The following PTP4A1 variants were observed in gnomAD, a reference collection of about 807,000 sequenced individuals.
The protein encoded by PTP4A1 is protein tyrosine phosphatase type IVA 1.
Under a neutral mutation model 20.5 loss-of-function variants are expected in PTP4A1, and 9 were observed. The observed-to-expected ratio is 0.44, with a 90% CI of 0.26 to 0.77. The LOEUF is 0.77. Among genes scored for constraint, PTP4A1 ranks in the 30% least tolerant of loss-of-function variants. PTP4A1 has a pLI of 0.19. For missense variants in PTP4A1, 137 were observed against 218.8 expected (o/e 0.63, Z 2.36); for synonymous variants, 78 against 67.4 (o/e 1.16, Z -0.77).
At chr6:63,579,130 T>G (rs1315674440) in intron 4 of PTP4A1, 102 bp downstream of exon 4, 8 of 1,377,666 alleles carry the variant, frequency 5.8e-6, no homozygotes, top group Non-Finnish European at 7.7e-6. Context: ...AGTCAACATT[T>G]GTCATAGGTA....
chr6:63,549,567 T>A, intron 2 of PTP4A1: 1 of 493,458 alleles, frequency 2.0e-6, no homozygotes, highest in East Asian at 3.3e-5. Flanking sequence ...AGATTTGAAG[T>A]TTTTTTTTTT....
intron 3 of PTP4A1, among the ~76,000 whole-genome samples, chr6:63,556,485 A>G (rs1020580526): frequency 6.6e-6 from 1 of 152,162 alleles, no homozygotes; most frequent in Non-Finnish European, 1.5e-5. Flanking sequence ...TCTGCCTAAT[A>G]AAACAACTTA....
At chr6:63,546,684 C>T (rs1404003817) in intron 2 of PTP4A1, among the ~76,000 whole-genome samples, 2 of 150,198 alleles carry the variant, frequency 1.3e-5, no homozygotes, top group South Asian at 2.1e-4. Flanking sequence ...CCAGCCTGGC[C>T]AATGAGAGCA....
chr6:63,541,539 T>A (rs1775972531), intron 2 of PTP4A1, among the ~76,000 whole-genome samples: 1 of 152,076 alleles, frequency 6.6e-6, no homozygotes, highest in Admixed American at 6.6e-5. Flanking sequence ...GGCGACCTTG[T>A]CTCAAGAAAA....
intron 2 of PTP4A1, among the ~76,000 whole-genome samples, chr6:63,535,676 A>T (rs906686905): frequency 2.6e-5 from 4 of 152,168 alleles, no homozygotes; most frequent in African/African-American, 4.8e-5. Flanking sequence ...CATCATAAAC[A>T]CATTTATAGT....
chr6:63,570,544 G>A (rs764978264), upstream of PTP4A1, among the ~76,000 whole-genome samples: 6 of 152,158 alleles, frequency 3.9e-5, no homozygotes, highest in East Asian at 1.9e-4. Context: ...GTAATTACAG[G>A]ATCTGTGGAT....
chr6:63,572,572 C>CCCGCCGCCGCCTGCATCGCCG lies in PTP4A1; in HGVS notation c.-590_-570dup. On this transcript the variant is annotated 5_prime_UTR_variant, in exon 1 of 6. Transcript: ENST00000626021. ...TCACTGCATGGTAGAGTCTGGTGCC[C>CCCGCCGCCGCCTGCATCGCCG]CCGCCGCCGCCTGCATCGCCGCCAC... 4.8e-6 allele frequency: 2 copies of CCCGCCGCCGCCTGCATCGCCG among 413,554 alleles called. No homozygotes were observed. Among genetic ancestry groups the CCCGCCGCCGCCTGCATCGCCG allele is most frequent in the Non-Finnish European group, 8.4e-6 (2 of 238,416 alleles). 25.6% of individuals were successfully genotyped at this position (413,554 alleles called of 1,614,324 possible).
intron 2 of PTP4A1, among the ~76,000 whole-genome samples, chr6:63,532,094 C>T (rs928352998): frequency 3.3e-5 from 5 of 152,110 alleles, no homozygotes; most frequent in African/African-American, 9.7e-5. Context: ...CCACCACGCC[C>T]GGTCAACCAC....
intron 3 of PTP4A1, among the ~76,000 whole-genome samples, chr6:63,566,957 C>G (rs1561911261): frequency 6.6e-6 from 1 of 152,178 alleles, no homozygotes; most frequent in South Asian, 2.1e-4. Context: ...TCTCAAGAAA[C>G]CACTCTCTTT....
chr6:63,549,599 T>C, intron 2 of PTP4A1: 1 of 577,310 alleles, frequency 1.7e-6, no homozygotes, highest in South Asian at 2.3e-5. Context: ...TTATGTGATA[T>C]ATATACACAA....
At position 63,576,762 on chromosome 6, in the gene PTP4A1, A is replaced by G. The variant is rs1777889783; in HGVS notation, c.-119A>G. The G allele has an allele frequency of 1.3e-6, 1 of 750,212 alleles. No individual in the cohort carries two copies. The highest frequency in any genetic ancestry group is 2.9e-5 in the Admixed American group (1 of 34,894). 46.5% of individuals were successfully genotyped at this position (750,212 alleles called of 1,614,324 possible). On this transcript the variant is annotated 5_prime_UTR_variant, in exon 2 of 6. Transcript: ENST00000626021. ...TCATTACTTACAACTTCATACTCAA[A>G]GCACTGAGAATTTCAAGTGGAGTAT...
At chr6:63,520,094 A>G (rs1774866939), upstream of PTP4A1, among the ~76,000 whole-genome samples, 1 of 152,222 alleles carries the variant, frequency 6.6e-6, no homozygotes, top group Admixed American at 6.5e-5. Flanking sequence ...ATAATTATCA[A>G]ACAAAAACTA....
chr6:63,579,128 T>C (rs1778056246), intron 4 of PTP4A1, 100 bp downstream of exon 4: 1 of 1,383,038 alleles, frequency 7.2e-7, no homozygotes, highest in African/African-American at 1.5e-5. Flanking sequence ...AAAGTCAACA[T>C]TTGTCATAGG....
chr6:63,526,805 A>ATG (rs1320730531), intron 1 of PTP4A1, among the ~76,000 whole-genome samples: 1 of 86,064 alleles, frequency 1.2e-5, no homozygotes, highest in Non-Finnish European at 2.5e-5. Flanking sequence ...TCAAAAATGT[A>ATG]TATATATATA....
At chr6:63,541,957 T>A (rs763502229) in intron 2 of PTP4A1, among the ~76,000 whole-genome samples, 18 of 152,056 alleles carry the variant, frequency 1.2e-4, no homozygotes, top group Non-Finnish European at 7.4e-5. Context: ...TAAATACACA[T>A]AACTTTTTTA....
chr6:63,541,378 C>A lies in PTP4A1; in HGVS notation c.-639-8922C>A, dbSNP rs555146393. Among the ~76,000 whole-genome samples, 440 of 151,968 alleles carry A rather than the reference C, an allele frequency of 2.9e-3. 3 individuals carry two copies. Among genetic ancestry groups the A allele is most frequent in the African/African-American group, 1.0e-2 (413 of 41,440 alleles). On this transcript the variant is annotated intron_variant, in intron 2 of 3. Transcript: ENST00000639568. ...GAGCAGCCTGGCCAACATAGTGAAA[C>A]CCCTCTCTACTAAAAAAACAAAAAA...
intron 3 of PTP4A1, among the ~76,000 whole-genome samples, chr6:63,561,287 T>G (rs1776939841): frequency 6.6e-6 from 1 of 152,186 alleles, no homozygotes; most frequent in Admixed American, 6.5e-5. Flanking sequence ...GGGAGTAATA[T>G]CAATCTGGAG....
intron 1 of PTP4A1, among the ~76,000 whole-genome samples, chr6:63,522,519 A>G (rs1422687709): frequency 1.3e-5 from 2 of 152,242 alleles, no homozygotes; most frequent in African/African-American, 4.8e-5. Flanking sequence ...TTTAGTAAGC[A>G]AAGAGAGCAA....
At chr6:63,546,718 A>G (rs1776198943) in intron 2 of PTP4A1, among the ~76,000 whole-genome samples, 1 of 152,140 alleles carries the variant, frequency 6.6e-6, no homozygotes, top group African/African-American at 2.4e-5. Flanking sequence ...AAAAAAAAAA[A>G]TAGAGTACAA....
Sources: gnomAD v4.1 joint callset for allele counts (sites outside exome capture counted in the v4.1 genomes callset) on GRCh38, gnomAD v4.1.1 for gene constraint, MANE v1.5 for transcripts, NCBI Gene and HGNC (gene_info 2026-07-23, HGNC 2026-07-21) for gene names.